The following INTU variants were observed in gnomAD, a reference collection of about 807,000 sequenced individuals.
The protein encoded by INTU is protein inturned.
A neutral mutation model predicts 100.5 loss-of-function variants in INTU; 68 were observed. The observed-to-expected ratio is 0.68, with a 90% confidence interval of 0.56 to 0.83. The LOEUF is 0.83. Among genes scored for constraint, INTU ranks in the 40% least tolerant of loss-of-function variants. The pLI is 0.00. For synonymous variants in INTU, 357 were observed against 395.7 expected (o/e 0.90, Z 1.16); for missense variants, 1,071 against 1,114.7 (o/e 0.96, Z 0.56).
chr4:127,644,704 T>G (rs1410915654), intron 2 of INTU, among the ~76,000 whole-genome samples: 1 of 152,234 alleles, frequency 6.6e-6, no homozygotes, highest in Non-Finnish European at 1.5e-5. Context: ...ATGTTTGAGT[T>G]AGTAGCAATC....
In INTU at chr4:127,708,626, A is replaced by G; in HGVS notation, c.2327A>G (p.Lys776Arg). The change falls in exon 13 of 16, where the codon AAG (lysine) becomes AGG (arginine). Residue 776 changes from lysine to arginine, a missense_variant. Coordinates refer to ENST00000335251, the MANE Select transcript of INTU (RefSeq NM_015693.4). ...PNPFHLGNLKKDLPEKELEIY... is the reference protein window; with the variant it reads ...PNPFHLGNLKRDLPEKELEIY... ...CCATTTCATTTGGGAAACTTGAAAAAGGACCTTCCAGAAAAAGAATTAGAA... is the reference window on the plus strand; with the variant it reads ...CCATTTCATTTGGGAAACTTGAAAAGGGACCTTCCAGAAAAAGAATTAGAA... 1 of 1,595,486 alleles carries G rather than the reference A, an allele frequency of 6.3e-7. No individual in the cohort carries two copies. Among genetic ancestry groups the G allele is most frequent in the Non-Finnish European group, 8.6e-7 (1 of 1,166,354 alleles).
chr4:127,635,353 C>G (rs1235345983), intron 1 of INTU, among the ~76,000 whole-genome samples: 1 of 151,978 alleles, frequency 6.6e-6, no homozygotes, highest in Non-Finnish European at 1.5e-5. Context: ...GTTGAGGGAG[C>G]CATTAGCTAG....
chr4:127,644,141 T>C, intron 2 of INTU, 85 bp downstream of exon 2: 1 of 1,342,036 alleles, frequency 7.5e-7, no homozygotes, highest in Non-Finnish European at 1.0e-6. Context: ...ATAAAAACAA[T>C]TATATACAGT....
At chr4:127,646,437 T>C (rs1727592248) in intron 2 of INTU, among the ~76,000 whole-genome samples, 1 of 152,210 alleles carries the variant, frequency 6.6e-6, no homozygotes, top group South Asian at 2.1e-4. Flanking sequence ...AAACATATTT[T>C]ATAGGTGGTC....
chr4:127,705,244 T>C (rs754843986), intron 10 of INTU, among the ~76,000 whole-genome samples: 8 of 152,070 alleles, frequency 5.3e-5, no homozygotes, highest in Non-Finnish European at 8.8e-5. Flanking sequence ...AAAGAAGCAA[T>C]AGGGAAGGGT....
chr4:127,696,160 T>C (rs1730373263), intron 8 of INTU, among the ~76,000 whole-genome samples: 1 of 152,190 alleles, frequency 6.6e-6, no homozygotes, highest in South Asian at 2.1e-4. Flanking sequence ...TTTTGTTTTT[T>C]TCTTATAATG....
chr4:127,671,338 C>G (rs1728917038), intron 5 of INTU, among the ~76,000 whole-genome samples: 1 of 151,860 alleles, frequency 6.6e-6, no homozygotes, highest in African/African-American at 2.4e-5. Flanking sequence ...AGAAGACATA[C>G]AAATGGATAA....
At chr4:127,688,910 T>C (rs1433315022) in intron 8 of INTU, among the ~76,000 whole-genome samples, 4 of 149,912 alleles carry the variant, frequency 2.7e-5, no homozygotes, top group Non-Finnish European at 5.9e-5. Flanking sequence ...GCCTGGTCTT[T>C]TGATATTTCA....
intron 14 of INTU, 83 bp from the exon 15 acceptor site, chr4:127,713,853 G>A: frequency 1.0e-6 from 1 of 984,912 alleles, no homozygotes; most frequent in Non-Finnish European, 1.5e-6. Context: ...ATTTGGATCA[G>A]CCAATTCAGA....
Position 127,663,441 on chromosome 4 carries a change from A to G in INTU, c.829A>G (p.Lys277Glu), listed in dbSNP as rs1728561928. The stretch of plus-strand genomic sequence containing the variant: ...AAGGGAGACGTCCCATCCAAGACAG[A>G]AAAAGACACAGTCCAACACAAGTGA... ...VKRETSHPRQKKTQSNTSDLV... is the reference protein window; with the variant it reads ...VKRETSHPRQEKTQSNTSDLV... Residue 277 changes from lysine (K) to glutamate (E), a missense_variant, in exon 4 of 16, where the codon AAA becomes GAA. By Grantham distance (56) the Lys-to-Glu change is moderately conservative. Coordinates refer to ENST00000335251, the MANE Select transcript of INTU (RefSeq NM_015693.4). 1.9e-6 allele frequency: 3 copies of G among 1,613,342 alleles called. No individual in the cohort carries two copies. In the East Asian group the frequency reaches 6.7e-5, roughly 36 times the overall value.
At chr4:127,694,283 C>T (rs973227448) in intron 8 of INTU, among the ~76,000 whole-genome samples, 3 of 151,506 alleles carry the variant, frequency 2.0e-5, no homozygotes, top group Non-Finnish European at 2.9e-5. Context: ...CTATATCTTC[C>T]TTGTTTCATC....
rs571176046 is a variant in INTU, at chr4:127,714,155, A to C, written c.2717+62A>C. 12 of 1,366,664 alleles carry C rather than the reference A, an allele frequency of 8.8e-6. 1 individual carries two copies. The South Asian group carries it at 1.6e-4, about 18-fold the overall frequency. The allele number at this position is 1,366,664 out of a possible 1,614,324, so 84.7% of individuals were successfully genotyped here. On this transcript the variant is annotated intron_variant, in intron 15 of 15. Transcript: ENST00000335251. ...TAGAAAAGTGAAAGAAAAGTGGTAA[A>C]GGAGATTAACATTTTAAAATGTAAG...
chr4:127,692,642 G>A (rs4324559), intron 8 of INTU, among the ~76,000 whole-genome samples: 5,716 of 152,190 alleles, frequency 0.038, 366 homozygotes, highest in African/African-American at 0.13. Flanking sequence ...TGGGTTCTTG[G>A]TCATGAAGTC....
chr4:127,643,687 A>C lies in INTU; in HGVS notation c.313A>C (p.Lys105Gln). ...IIIEDDYKER[K>Q]KYEPKLKQFT... Reference sequence around the variant, plus strand: ...CATTGAAGATGACTACAAAGAAAGAAAAAAGTATGAACCCAAACTCAAGCA... The same window carrying C: ...CATTGAAGATGACTACAAAGAAAGACAAAAGTATGAACCCAAACTCAAGCA... Residue 105 changes from lysine (K) to glutamine (Q), a missense_variant, in exon 2 of 16, where the codon AAA becomes CAA. Coordinates refer to ENST00000335251, the MANE Select transcript of INTU (RefSeq NM_015693.4). The C allele has an allele frequency of 6.2e-7, 1 of 1,612,964 alleles. No homozygotes were observed.
chr4:127,645,799 G>T (rs935111177), intron 2 of INTU, among the ~76,000 whole-genome samples: 1 of 151,848 alleles, frequency 6.6e-6, no homozygotes, highest in African/African-American at 2.4e-5. Flanking sequence ...CCTGACCTCA[G>T]GTGATCCACC....
At position 127,677,917 on chromosome 4, in the gene INTU, G is replaced by C. The variant is rs1183555729; in HGVS notation, c.1181+3704G>C. 3.9e-5 allele frequency among the ~76,000 whole-genome samples: 6 copies of C among 152,238 alleles called. No individual in the cohort carries two copies. In the South Asian group the frequency reaches 1.2e-3, roughly 32 times the overall value. On this transcript the variant is annotated intron_variant, in intron 6 of 15. Transcript: ENST00000335251. ...AGAGAAGTGCTTAAAGGAGCTGCTG[G>C]AGTGGAAAGCCAAGGCTCGAGAACT...
At chr4:127,704,160 A>G (rs1730771081) in intron 9 of INTU, 68 bp from the exon 10 acceptor site, 1 of 1,303,076 alleles carries the variant, frequency 7.7e-7, no homozygotes, top group Non-Finnish European at 1.1e-6. Flanking sequence ...TTTAACTATT[A>G]TAGCTTAATT....
intron 6 of INTU, among the ~76,000 whole-genome samples, chr4:127,682,511 C>G (rs1296128542): frequency 6.8e-6 from 1 of 147,154 alleles, no homozygotes; most frequent in Admixed American, 7.0e-5. Flanking sequence ...AACCAAACAC[C>G]GCATATTCTC....
At chr4:127,660,734 G>A (rs765788444) in intron 3 of INTU, among the ~76,000 whole-genome samples, 4 of 152,130 alleles carry the variant, frequency 2.6e-5, no homozygotes, top group African/African-American at 4.8e-5. Flanking sequence ...TGGGCAAACC[G>A]CACAAAGAAG....
Sources: allele counts gnomAD v4.1 joint callset (sites outside exome capture counted in the v4.1 genomes callset), GRCh38; gene constraint gnomAD v4.1.1; transcripts MANE v1.5; gene names NCBI Gene and HGNC (gene_info 2026-07-23, HGNC 2026-07-21).